LRMDA: variants seen among roughly 807,000 people sequenced by gnomAD.
The protein encoded by LRMDA is leucine rich melanocyte differentiation associated, also known as leucine-rich melanocyte differentiation-associated protein.
A neutral mutation model predicts 29.8 loss-of-function variants in LRMDA; 18 were observed. That is an observed-to-expected ratio of 0.60 (90% confidence interval 0.42 to 0.90). The LOEUF (loss-of-function observed/expected upper bound fraction) is 0.90, where lower values mean the gene tolerates loss of function less well. LRMDA is among the 40% of genes least tolerant of loss of function. LRMDA has a pLI of 0.00. For missense variants in LRMDA, 273 were observed against 273.9 expected, an observed-to-expected ratio of 1.00 and a Z score of 0.02; for synonymous variants, 125 against 109.4, an observed-to-expected ratio of 1.14 and a Z score of -0.89.
At chr10:76,029,754 T>C (rs1017263525) in intron 2 of LRMDA, among the ~76,000 whole-genome samples, 3 of 152,208 alleles carry the variant, frequency 2.0e-5, no homozygotes, top group African/African-American at 7.2e-5. Context: ...ATACTTTAGC[T>C]TTTTGGCTGG....
chr10:75,468,405 G>A (rs189666558), intron 2 of LRMDA, among the ~76,000 whole-genome samples: 2 of 152,222 alleles, frequency 1.3e-5, no homozygotes, highest in East Asian at 3.9e-4. Context: ...GTAGGGGACA[G>A]GGCAGCTATA....
intron 2 of LRMDA, among the ~76,000 whole-genome samples, chr10:75,778,429 T>C (rs1843340381): frequency 6.6e-6 from 1 of 152,218 alleles, no homozygotes; most frequent in South Asian, 2.1e-4. Context: ...CCCCCTGCTC[T>C]GTGAGTATTC....
At chr10:75,610,406 C>T (rs908590255) in intron 2 of LRMDA, among the ~76,000 whole-genome samples, 1 of 151,442 alleles carries the variant, frequency 6.6e-6, no homozygotes, top group Non-Finnish European at 1.5e-5. Context: ...CACACCATTC[C>T]TCCTCATACT....
intron 2 of LRMDA, among the ~76,000 whole-genome samples, chr10:75,682,823 CT>C (rs1383402462): frequency 6.6e-6 from 1 of 152,148 alleles, no homozygotes; most frequent in African/African-American, 2.4e-5. Flanking sequence ...ATCAATCCCC[CT>C]GAGACTGGCC....
intron 6 of LRMDA, among the ~76,000 whole-genome samples, chr10:76,437,068 A>G (rs1212589006): frequency 2.0e-5 from 3 of 152,172 alleles, no homozygotes; most frequent in African/African-American, 7.2e-5. Flanking sequence ...TGGTCTTTTA[A>G]TCATAGCAAT....
At chr10:75,778,494 G>T (rs1380332307) in intron 2 of LRMDA, among the ~76,000 whole-genome samples, 1 of 152,176 alleles carries the variant, frequency 6.6e-6, no homozygotes, top group African/African-American at 2.4e-5. Flanking sequence ...TTGGAGGCCA[G>T]ATCCTGTCTT....
chr10:75,838,488 C>T (rs1052339352), intron 2 of LRMDA, among the ~76,000 whole-genome samples: 7 of 152,096 alleles, frequency 4.6e-5, no homozygotes, highest in African/African-American at 1.4e-4. Flanking sequence ...TTGCCAGCTT[C>T]GAACTCTTGG....
chr10:75,871,771 T>G lies in LRMDA; in HGVS notation c.132-164237T>G, dbSNP rs560890736. On this transcript the variant is annotated intron_variant, in intron 2 of 6. Transcript: ENST00000611255. Reference sequence around the variant, plus strand: ...TTTAAAATCCTAGGCTCCCTGGGTTTGTTTGATATCAGCTTATCTTACTAA... The same window carrying G: ...TTTAAAATCCTAGGCTCCCTGGGTTGGTTTGATATCAGCTTATCTTACTAA... Among the ~76,000 whole-genome samples the G allele has an allele frequency of 2.6e-5, 4 of 152,310 alleles. No individual in the cohort carries two copies. The East Asian group carries it at 7.7e-4, about 29-fold the overall frequency.
chr10:75,439,588 C>G (rs528376704), intron 2 of LRMDA, among the ~76,000 whole-genome samples: 6 of 152,128 alleles, frequency 3.9e-5, no homozygotes, highest in African/African-American at 1.4e-4. Flanking sequence ...GGATGCTGCT[C>G]GGGAGCACAT....
In LRMDA at chr10:75,431,744, G is replaced by C; in HGVS notation, c.20G>C (p.Arg7Pro). 4 of 1,374,328 alleles carry C rather than the reference G, an allele frequency of 2.9e-6. No homozygotes were observed. The highest frequency in any genetic ancestry group is 3.8e-6 in the Non-Finnish European group (4 of 1,058,834). The allele number at this position is 1,374,328 out of a possible 1,614,324, so 85.1% of individuals were successfully genotyped here. MAGLVV[R>P]GTQVSYIGQD... Reference sequence around the variant, plus strand: ...GCCGCCATGGCCGGGCTCGTGGTGCGTGGAACTCAAGTAAGTCCCGGCCAG... The same window carrying C: ...GCCGCCATGGCCGGGCTCGTGGTGCCTGGAACTCAAGTAAGTCCCGGCCAG... The change falls in exon 1 of 7, where the codon CGT becomes CCT. Residue 7 changes from arginine to proline, a missense_variant. Transcript: ENST00000611255.
chr10:76,325,974 C>T (rs1840829067), intron 6 of LRMDA, among the ~76,000 whole-genome samples: 1 of 152,120 alleles, frequency 6.6e-6, no homozygotes, highest in South Asian at 2.1e-4. Context: ...CAAATAAGTG[C>T]TCTTGGATGA....
intron 2 of LRMDA, among the ~76,000 whole-genome samples, chr10:75,690,840 G>A (rs1057421871): frequency 6.6e-6 from 1 of 151,034 alleles, no homozygotes; most frequent in Admixed American, 6.6e-5. Context: ...GAGCATGGCG[G>A]TGTGCACCTA....
chr10:75,819,046 A>G (rs1844111550), intron 2 of LRMDA, among the ~76,000 whole-genome samples: 1 of 152,246 alleles, frequency 6.6e-6, no homozygotes, highest in African/African-American at 2.4e-5. Context: ...GGCAAATTTT[A>G]GAAAATGCTT....
At chr10:75,625,103 A>C (rs1841234855) in intron 2 of LRMDA, among the ~76,000 whole-genome samples, 1 of 152,216 alleles carries the variant, frequency 6.6e-6, no homozygotes, top group Admixed American at 6.5e-5. Flanking sequence ...TGCAGACACC[A>C]GCCACTCAGT....
intron 2 of LRMDA, among the ~76,000 whole-genome samples, chr10:75,962,341 G>GCAGCAT (rs1846783021): frequency 2.0e-5 from 3 of 152,170 alleles, no homozygotes; most frequent in Admixed American, 2.0e-4. Flanking sequence ...CCCCAGCCCA[G>GCAGCAT]CAGCATCAGC....
chr10:75,801,917 T>G (rs1843749786), intron 2 of LRMDA, among the ~76,000 whole-genome samples: 1 of 152,148 alleles, frequency 6.6e-6, no homozygotes, highest in Non-Finnish European at 1.5e-5. Context: ...TGTTGAGAGC[T>G]TCGTATGTGC....
chr10:75,914,182 G>A (rs777523933), intron 2 of LRMDA, among the ~76,000 whole-genome samples: 1 of 152,154 alleles, frequency 6.6e-6, no homozygotes, highest in Non-Finnish European at 1.5e-5. Flanking sequence ...CACATGCAAC[G>A]CATACTTGTA....
intron 6 of LRMDA, among the ~76,000 whole-genome samples, chr10:76,546,342 TA>T (rs1371692627): frequency 2.6e-5 from 4 of 152,174 alleles, no homozygotes; most frequent in Non-Finnish European, 5.9e-5. Context: ...CTATCCTCAC[TA>T]AAGGCACTCC....
chr10:76,428,244 G>A (rs1304480828), intron 6 of LRMDA, among the ~76,000 whole-genome samples: 3 of 152,074 alleles, frequency 2.0e-5, no homozygotes, highest in African/African-American at 7.2e-5. Flanking sequence ...GAGAGAGAGA[G>A]CATATCTAGG....
Sources: gnomAD v4.1 joint callset for allele counts (sites outside exome capture counted in the v4.1 genomes callset) on GRCh38, gnomAD v4.1.1 for gene constraint, MANE v1.5 for transcripts, NCBI Gene and HGNC (gene_info 2026-07-23, HGNC 2026-07-21) for gene names.